PFKFB4: variants seen among roughly 807,000 people sequenced by gnomAD.
PFKFB4 encodes 6-phosphofructo-2-kinase/fructose-2,6-bisphosphatase 4.
In PFKFB4, 42 loss-of-function variants were observed where a neutral mutation model predicts 62.8. That is an observed-to-expected ratio of 0.67 (90% CI 0.52 to 0.86). The LOEUF is 0.86. Ranked by LOEUF, PFKFB4 falls within the 40% of genes least tolerant of loss-of-function variation. The pLI, the probability that PFKFB4 is intolerant of heterozygous loss-of-function variation, is 0.00. For synonymous variants in PFKFB4, 204 were observed against 240.7 expected (o/e 0.85, Z 1.41); for missense variants, 475 against 627.2 (o/e 0.76, Z 2.59).
At chr3:48,543,096 C>T (rs1428531887) in intron 4 of PFKFB4, among the ~76,000 whole-genome samples, 1 of 152,144 alleles carries the variant, frequency 6.6e-6, no homozygotes, top group African/African-American at 2.4e-5. Flanking sequence ...CTGTGTTTGA[C>T]TATATAAGGC....
At chr3:48,560,142 C>T (rs545604564), upstream of PFKFB4, among the ~76,000 whole-genome samples, 62 of 152,292 alleles carry the variant, frequency 4.1e-4, no homozygotes, top group African/African-American at 9.6e-4. Flanking sequence ...GCATGCCACA[C>T]AGGCCCACAC....
chr3:48,560,627 C>T (rs1435974825), upstream of PFKFB4, among the ~76,000 whole-genome samples: 1 of 152,234 alleles, frequency 6.6e-6, no homozygotes, highest in African/African-American at 2.4e-5. Context: ...AGGACTGGCA[C>T]AGGGCACACA....
intron 1 of PFKFB4, among the ~76,000 whole-genome samples, 154 bp from the exon 2 acceptor site, chr3:48,550,388 C>G (rs2043102625): frequency 6.6e-6 from 1 of 152,174 alleles, no homozygotes; most frequent in South Asian, 2.1e-4. Context: ...CCTGGAGTGG[C>G]CCCAGATGCT....
At position 48,535,652 on chromosome 3, in the gene PFKFB4, T is replaced by C; in HGVS notation, c.847A>G (p.Lys283Glu). Residue 283 changes from lysine (K) to glutamate (E), a missense_variant, in exon 9 of 14, where the codon AAG (lysine) becomes GAG (glutamate). By Grantham distance (56) the Lys-to-Glu change is moderately conservative. Coordinates refer to ENST00000232375, the MANE Select transcript of PFKFB4 (RefSeq NM_004567.4). ...GLSPRGREFA[K>E]SLAQFISDQN... The stretch of plus-strand genomic sequence containing the variant: ...TCACTGATGAACTGGGCTAGACTCT[T>C]GGCAAACTGAAATACATCATAAGCA... 1 of 1,614,188 alleles carries C rather than the reference T, an allele frequency of 6.2e-7. No individual in the cohort carries two copies. Among genetic ancestry groups the C allele is most frequent in the Non-Finnish European group, 8.5e-7 (1 of 1,180,034 alleles).
chr3:48,527,798 C>T (rs987537022), intron 9 of PFKFB4, among the ~76,000 whole-genome samples: 1 of 151,652 alleles, frequency 6.6e-6, no homozygotes, highest in African/African-American at 2.4e-5. Context: ...AACAATTCTC[C>T]TGCCTCAGCC....
chr3:48,524,612 C>T (rs763311117), intron 10 of PFKFB4, among the ~76,000 whole-genome samples: 61 of 152,162 alleles, frequency 4.0e-4, no homozygotes, highest in Non-Finnish European at 5.7e-4. Flanking sequence ...TTTCTCCTGA[C>T]CGTTATCTGG....
intron 4 of PFKFB4, among the ~76,000 whole-genome samples, chr3:48,541,263 G>A (rs1439780562): frequency 2.6e-5 from 4 of 151,936 alleles, no homozygotes; most frequent in African/African-American, 9.7e-5. Flanking sequence ...GAGTAGCTGG[G>A]ACTACAAGCG....
At chr3:48,543,914 G>T (rs2042878968) in intron 3 of PFKFB4, among the ~76,000 whole-genome samples, 1 of 151,570 alleles carries the variant, frequency 6.6e-6, no homozygotes, top group Non-Finnish European at 1.5e-5. Flanking sequence ...TCCTCTCATT[G>T]TGCACAAATC....
intron 9 of PFKFB4, among the ~76,000 whole-genome samples, chr3:48,533,030 A>C (rs2107508605): frequency 6.6e-6 from 1 of 152,274 alleles, no homozygotes; most frequent in Middle Eastern, 3.4e-3. Flanking sequence ...AAATAGAGTT[A>C]TTGTTTTTCT....
At chr3:48,557,975 A>G (rs2107615007), upstream of PFKFB4, among the ~76,000 whole-genome samples, 1 of 152,182 alleles carries the variant, frequency 6.6e-6, no homozygotes, top group East Asian at 1.9e-4. Context: ...AGTTTTACAT[A>G]TTTTTTGAAA....
intron 9 of PFKFB4, among the ~76,000 whole-genome samples, chr3:48,533,878 C>A (rs2042509336): frequency 6.6e-6 from 1 of 152,062 alleles, no homozygotes; most frequent in African/African-American, 2.4e-5. Context: ...AATAAAGGGA[C>A]AAATCAAACA....
At chr3:48,555,475 G>A (rs1177321409) in intron 1 of PFKFB4, among the ~76,000 whole-genome samples, 3 of 152,162 alleles carry the variant, frequency 2.0e-5, no homozygotes, top group Admixed American at 1.3e-4. Context: ...GGGAGACCCA[G>A]GCATGTCACT....
intron 3 of PFKFB4, among the ~76,000 whole-genome samples, chr3:48,547,295 G>A (rs1358674102): frequency 6.6e-6 from 1 of 152,076 alleles, no homozygotes; most frequent in African/African-American, 2.4e-5. Context: ...GTGTACACAG[G>A]GGGTGTGCAT....
intron 9 of PFKFB4, among the ~76,000 whole-genome samples, chr3:48,527,903 G>C (rs2042314817): frequency 6.6e-6 from 1 of 151,914 alleles, no homozygotes; most frequent in Non-Finnish European, 1.5e-5. Context: ...TGACCAGGCT[G>C]GTCTCGAACT....
At chr3:48,522,305 C>T (rs1264965328) in intron 12 of PFKFB4, among the ~76,000 whole-genome samples, 2 of 152,180 alleles carry the variant, frequency 1.3e-5, no homozygotes, top group Non-Finnish European at 2.9e-5. Context: ...ACCCCAGGAC[C>T]GAGAGGGATC....
In PFKFB4 at chr3:48,536,310, G is replaced by T. The variant is rs143533518; in HGVS notation, c.786C>A (p.Leu262=). ...CCCCGCCAATCCGGCCCTTGAGGTT[G>T]AGCTCGCTCTCCCCGTGCCGGCAGA... ...IYLCRHGESE[L]NLKGRIGGDP... is the part of the protein sequence containing the mutation. The change falls in exon 8 of 14, where the codon CTC becomes CTA. Residue 262 remains leucine (L), a synonymous_variant. Transcript: ENST00000232375. The T allele has an allele frequency of 6.2e-7, 1 of 1,614,072 alleles. No individual in the cohort carries two copies. Among genetic ancestry groups the T allele is most frequent in the Non-Finnish European group, 8.5e-7 (1 of 1,180,040 alleles).
In PFKFB4 at chr3:48,517,744, A is replaced by G. The variant is rs1575344026; in HGVS notation, c.*2003T>C. 2 of 152,816 alleles carry G rather than the reference A, an allele frequency of 1.3e-5. No homozygotes were observed. The highest frequency in any genetic ancestry group is 6.8e-3 in the Middle Eastern group (2 of 294). 9.5% of individuals were successfully genotyped at this position (152,816 alleles called of 1,614,324 possible). On this transcript the variant is annotated 3_prime_UTR_variant, in exon 14 of 14. Transcript: ENST00000232375. ...GGACACAGTGTTGCATGTGGCTGAG[A>G]TTCAATACCATCCATTCTGGGGAAC...
chr3:48,540,861 G>A (rs2042778767), intron 4 of PFKFB4, among the ~76,000 whole-genome samples: 3 of 149,868 alleles, frequency 2.0e-5, no homozygotes, highest in South Asian at 2.1e-4. Context: ...TGCAACCTCC[G>A]CCTACTGGGT....
intron 4 of PFKFB4, among the ~76,000 whole-genome samples, chr3:48,540,393 A>G (rs1293678659): frequency 6.6e-6 from 1 of 152,096 alleles, no homozygotes. Context: ...AAGAAAAGGG[A>G]CAAAGGTGGG....
Sources: gnomAD v4.1 joint callset for allele counts (sites outside exome capture counted in the v4.1 genomes callset) on GRCh38, gnomAD v4.1.1 for gene constraint, MANE v1.5 for transcripts, NCBI Gene and HGNC (gene_info 2026-07-23, HGNC 2026-07-21) for gene names.